Variants in XKR6 observed in about 807,000 individuals in gnomAD.
The protein encoded by XKR6 is XK related 6, also known as XK-related protein 6.
A neutral mutation model predicts 56.7 loss-of-function variants in XKR6; 22 were observed. The observed-to-expected ratio is 0.39, with a 90% CI of 0.28 to 0.55. XKR6 has a LOEUF of 0.55. XKR6 is among the 20% of genes least tolerant of loss of function. The probability of loss-of-function intolerance (pLI) is 0.66; values close to 1 mark genes in which losing one functional copy is unlikely to be tolerated. For synonymous variants in XKR6, 524 were observed against 387.8 expected, an observed-to-expected ratio of 1.35 and a Z score of -4.13; for missense variants, 852 against 889.0, an observed-to-expected ratio of 0.96 and a Z score of 0.53.
At chr8:11,004,299 T>G (rs1414322582) in intron 1 of XKR6, among the ~76,000 whole-genome samples, 1 of 151,940 alleles carries the variant, frequency 6.6e-6, no homozygotes, top group Non-Finnish European at 1.5e-5. Flanking sequence ...TGGTGAAACC[T>G]CATCTCTACT....
chr8:10,964,344 C>A (rs1268695362), intron 1 of XKR6, among the ~76,000 whole-genome samples: 1 of 152,136 alleles, frequency 6.6e-6, no homozygotes, highest in East Asian at 1.9e-4. Context: ...CAGGTTGAAC[C>A]CCTCGGGGCT....
At position 11,200,577 on chromosome 8, in the gene XKR6, T is replaced by C. The variant is rs1366671223; in HGVS notation, c.763A>G (p.Arg255Gly). ...IHLLQMGQVW[R>G]YIRTMYLGIQ... ...GCCCCCACCCCGCAGTGCTCTTACC[T>C]CCACACCTGCCCCATCTGCAGCAGG... is the stretch of plus-strand genomic sequence containing the variant. Residue 255 changes from arginine to glycine, a missense_variant and splice_region_variant, in exon 1 of 3, where the codon AGG becomes GGG. Arg to Gly is a moderately radical substitution (Grantham distance 125). Transcript: ENST00000416569. This position sits in a 1 kb window ranked among gnomAD's most constrained non-coding sequence, Gnocchi z 6.4. The C allele has an allele frequency of 6.7e-7, 1 of 1,494,950 alleles. No individual in the cohort carries two copies. The highest frequency in any genetic ancestry group is 2.5e-5 in the Admixed American group (1 of 39,890). The allele number at this position is 1,494,950 out of a possible 1,614,324, so 92.6% of individuals were successfully genotyped here.
Position 10,924,677 on chromosome 8 carries a change from C to T in XKR6, c.918G>A (p.Gln306=), listed in dbSNP as rs764480185. 6.2e-7 allele frequency: 1 copy of T among 1,612,994 alleles called. No individual in the cohort carries two copies. The highest frequency in any genetic ancestry group is 1.1e-5 in the South Asian group (1 of 91,030). The change falls in exon 2 of 3, where the codon CAG becomes CAA. Residue 306 remains glutamine, a synonymous_variant. Coordinates refer to ENST00000416569, the MANE Select transcript of XKR6 (RefSeq NM_173683.4). ...FLESAPQLVL[Q]LYIMLQKNSA... is the part of the protein sequence containing the mutation. The stretch of plus-strand genomic sequence containing the variant: ...TGTTCTTCTGGAGCATGATGTAGAG[C>T]TGTAGCACCAGTTGGGGCGCGCTCT...
intron 1 of XKR6, among the ~76,000 whole-genome samples, chr8:11,101,186 T>C (rs976872248): frequency 6.6e-6 from 1 of 152,196 alleles, no homozygotes; most frequent in East Asian, 1.9e-4. Context: ...TAGCAAGAGA[T>C]ATTTGGGTAA....
At chr8:10,981,324 T>G (rs945338744) in intron 1 of XKR6, among the ~76,000 whole-genome samples, 23 of 152,186 alleles carry the variant, frequency 1.5e-4, no homozygotes, top group African/African-American at 4.8e-4. Flanking sequence ...CCATGTGTTT[T>G]CGGATGCACT....
At chr8:11,110,279 A>T (rs994570640) in intron 1 of XKR6, among the ~76,000 whole-genome samples, 1 of 152,018 alleles carries the variant, frequency 6.6e-6, no homozygotes, top group Non-Finnish European at 1.5e-5. Context: ...GGCCTTAAAA[A>T]ACCTACTTTA....
intron 1 of XKR6, chr8:11,113,937 G>A (rs1053255208): frequency 2.3e-5 from 7 of 299,642 alleles, no homozygotes; most frequent in African/African-American, 8.9e-5. Flanking sequence ...GCACAGACAC[G>A]GAAACACATG....
chr8:11,021,649 G>A (rs1000635177), intron 1 of XKR6, among the ~76,000 whole-genome samples: 1 of 152,138 alleles, frequency 6.6e-6, no homozygotes, highest in African/African-American at 2.4e-5. Context: ...AGAGTCCATA[G>A]AGACTTTGTT....
intron 1 of XKR6, among the ~76,000 whole-genome samples, chr8:11,020,731 C>T (rs1381701801): frequency 6.6e-6 from 1 of 152,162 alleles, no homozygotes; most frequent in African/African-American, 2.4e-5. Context: ...CGCCTTTTTC[C>T]TAATATGAGG....
intron 1 of XKR6, among the ~76,000 whole-genome samples, chr8:11,057,911 A>G (rs958258549): frequency 5.9e-5 from 9 of 152,258 alleles, no homozygotes; most frequent in African/African-American, 1.9e-4. Flanking sequence ...CAGACATTGA[A>G]GGTGTAATGA....
intron 1 of XKR6, among the ~76,000 whole-genome samples, chr8:11,081,138 TA>T (rs781218473): frequency 1.8e-4 from 28 of 152,188 alleles, no homozygotes; most frequent in Non-Finnish European, 2.6e-4. Context: ...ATGATTTTGC[TA>T]AAGCCGGATT....
intron 2 of XKR6, among the ~76,000 whole-genome samples, chr8:10,914,889 C>T (rs1005258722): frequency 4.6e-5 from 7 of 152,336 alleles, no homozygotes; most frequent in Admixed American, 2.0e-4. Flanking sequence ...GGGAGCCCTC[C>T]CTTTGCTCAA....
At chr8:11,001,924 C>T (rs1798248642) in intron 1 of XKR6, among the ~76,000 whole-genome samples, 1 of 152,142 alleles carries the variant, frequency 6.6e-6, no homozygotes, top group South Asian at 2.1e-4. Context: ...TCCAGCCCCA[C>T]CATACCCGTT....
intron 1 of XKR6, among the ~76,000 whole-genome samples, chr8:11,186,907 C>A (rs1803305817): frequency 6.6e-6 from 1 of 152,226 alleles, no homozygotes; most frequent in South Asian, 2.1e-4. Context: ...GGATTTACTG[C>A]CTCTCATATT....
intron 1 of XKR6, among the ~76,000 whole-genome samples, chr8:11,061,497 A>T (rs985018726): frequency 6.6e-6 from 1 of 152,154 alleles, no homozygotes; most frequent in East Asian, 1.9e-4. Flanking sequence ...GAACCAGTAA[A>T]AATGGGAACA....
rs941454371 is a variant in XKR6, at chr8:10,911,530, A to T, written c.962-12614T>A. 6.1e-5 allele frequency among the ~76,000 whole-genome samples: 9 copies of T among 147,868 alleles called. No homozygotes were observed. In the South Asian group the frequency reaches 1.9e-3, roughly 32 times the overall value. ...ATTGTATATATATATGTAGAAAGAGAGGGGGTGAATATATATATATAGAGA... is the reference window on the plus strand; with the variant it reads ...ATTGTATATATATATGTAGAAAGAGTGGGGGTGAATATATATATATAGAGA... On this transcript the variant is annotated intron_variant, in intron 2 of 2. Coordinates refer to ENST00000416569, the MANE Select transcript of XKR6 (RefSeq NM_173683.4).
At chr8:11,177,471 A>G (rs1458076889) in intron 1 of XKR6, among the ~76,000 whole-genome samples, 1 of 152,208 alleles carries the variant, frequency 6.6e-6, no homozygotes, top group Non-Finnish European at 1.5e-5. Flanking sequence ...CCTCCCAAAA[A>G]GATAGATGGA....
intron 1 of XKR6, among the ~76,000 whole-genome samples, chr8:11,022,845 C>A (rs375478209): frequency 6.6e-6 from 1 of 152,156 alleles, no homozygotes; most frequent in Non-Finnish European, 1.5e-5. Flanking sequence ...ATAAATATTT[C>A]ATTGATCAAC....
At chr8:10,963,971 C>T (rs1802139353) in intron 1 of XKR6, among the ~76,000 whole-genome samples, 1 of 152,226 alleles carries the variant, frequency 6.6e-6, no homozygotes, top group African/African-American at 2.4e-5. Flanking sequence ...GCCTTCATTT[C>T]TAAGTCTATA....
Sources: gnomAD v4.1 joint callset for allele counts (sites outside exome capture counted in the v4.1 genomes callset) on GRCh38, gnomAD v4.1.1 for gene constraint, Gnocchi (gnomAD v3.1) non-coding constraint, MANE v1.5 for transcripts, NCBI Gene and HGNC (gene_info 2026-07-23, HGNC 2026-07-21) for gene names.